Variants in KCNQ5 observed in about 807,000 individuals in gnomAD.
The protein encoded by KCNQ5 is potassium voltage-gated channel subfamily Q member 5.
In KCNQ5, 30 loss-of-function variants were observed where a neutral mutation model predicts 98.2. The ratio of observed to expected loss-of-function variants is 0.31; its 90% CI spans 0.23 to 0.41. The LOEUF (loss-of-function observed/expected upper bound fraction) is 0.41, where lower values mean the gene tolerates loss of function less well. Ranked by LOEUF, KCNQ5 falls within the 10% of genes least tolerant of loss-of-function variation. The probability of loss-of-function intolerance (pLI) is 1.00; values close to 1 mark genes in which losing one functional copy is unlikely to be tolerated. For missense variants in KCNQ5, 835 were observed against 1,182.5 expected (o/e 0.71, Z 4.31); for synonymous variants, 458 against 449.4 (o/e 1.02, Z -0.24).
At chr6:72,830,241 T>C (rs1278194172) in intron 1 of KCNQ5, among the ~76,000 whole-genome samples, 1 of 152,008 alleles carries the variant, frequency 6.6e-6, no homozygotes, top group African/African-American at 2.4e-5. Flanking sequence ...TACTTTAAAG[T>C]TCATATGGAA....
At chr6:73,038,803 G>C (rs765350025) in intron 2 of KCNQ5, among the ~76,000 whole-genome samples, 15 of 151,684 alleles carry the variant, frequency 9.9e-5, no homozygotes, top group Admixed American at 2.6e-4. Context: ...TGTAGTTTTT[G>C]TTTTGCTTTG....
At chr6:73,081,091 A>G (rs766356432) in intron 5 of KCNQ5, among the ~76,000 whole-genome samples, 13 of 152,220 alleles carry the variant, frequency 8.5e-5, no homozygotes, top group Non-Finnish European at 1.5e-4. Flanking sequence ...GTTAAATGAA[A>G]GCACCTTTAA....
chr6:73,081,743 A>C (rs535826821), intron 5 of KCNQ5, among the ~76,000 whole-genome samples: 1 of 152,306 alleles, frequency 6.6e-6, no homozygotes, highest in South Asian at 2.1e-4. Context: ...CCTGATTTGG[A>C]ATTAATTCTG....
chr6:73,188,768 A>C (rs1465133172), intron 11 of KCNQ5, among the ~76,000 whole-genome samples: 2 of 152,116 alleles, frequency 1.3e-5, no homozygotes, highest in East Asian at 3.9e-4. Context: ...GCAGATCACA[A>C]GGTCAGAAGT....
intron 1 of KCNQ5, among the ~76,000 whole-genome samples, chr6:72,664,121 A>G (rs921537236): frequency 1.3e-5 from 2 of 152,212 alleles, no homozygotes; most frequent in African/African-American, 4.8e-5. Context: ...GTGCTAGTGG[A>G]CATGGAATAC....
Position 72,806,846 on chromosome 6 carries a change from T to C in KCNQ5, c.398+184259T>C, listed in dbSNP as rs533749951. ...TTAAGCCTTCCTTTCAAATTTTATT[T>C]ATTAATTTTCAGTTTCGTTTTTCTC... On this transcript the variant is annotated intron_variant, in intron 1 of 13. Transcript: ENST00000370398. 8.9e-6 allele frequency: 4 copies of C among 448,506 alleles called. No homozygotes were observed. The East Asian group carries it at 2.9e-4, about 32-fold the overall frequency. The allele number at this position is 448,506 out of a possible 1,614,324, so 27.8% of individuals were successfully genotyped here.
chr6:73,147,576 T>G (rs1247587246), intron 10 of KCNQ5, among the ~76,000 whole-genome samples: 1 of 152,156 alleles, frequency 6.6e-6, no homozygotes, highest in East Asian at 1.9e-4. Context: ...AAATACTGCC[T>G]TTGTCAGAAA....
In KCNQ5 at chr6:72,834,691, G is replaced by C. The variant is rs149862338; in HGVS notation, c.399-169217G>C. On this transcript the variant is annotated intron_variant, in intron 1 of 13. Transcript: ENST00000370398. ...ACTCTGTTGGCCTTCCTTCTTTTACGTGGAAATAGAATTCTTATACTCCTT... is the reference window on the plus strand; with the variant it reads ...ACTCTGTTGGCCTTCCTTCTTTTACCTGGAAATAGAATTCTTATACTCCTT... 6.1e-3 allele frequency among the ~76,000 whole-genome samples: 933 copies of C among 152,144 alleles called. 11 individuals carry two copies. Among genetic ancestry groups the C allele is most frequent in the African/African-American group, 0.02 (848 of 41,528 alleles).
chr6:72,906,959 A>T (rs1421497885), intron 1 of KCNQ5, among the ~76,000 whole-genome samples: 1 of 152,158 alleles, frequency 6.6e-6, no homozygotes, highest in East Asian at 1.9e-4. Flanking sequence ...TTTTCTGATT[A>T]TGTTATTTAT....
chr6:72,940,015 G>A (rs1024549323), intron 1 of KCNQ5, among the ~76,000 whole-genome samples: 1 of 152,056 alleles, frequency 6.6e-6, no homozygotes, highest in Non-Finnish European at 1.5e-5. Flanking sequence ...TCATTTTAAG[G>A]TTTGAAAGAA....
chr6:73,041,868 G>T, intron 2 of KCNQ5, 68 bp from the exon 3 acceptor site: 1 of 1,578,114 alleles, frequency 6.3e-7, no homozygotes, highest in South Asian at 1.1e-5. Context: ...CCAAAAATAT[G>T]CATAGAGCTT....
At chr6:72,785,023 A>G (rs1773664319) in intron 1 of KCNQ5, among the ~76,000 whole-genome samples, 1 of 152,240 alleles carries the variant, frequency 6.6e-6, no homozygotes, top group East Asian at 1.9e-4. Flanking sequence ...TTATGCAGCC[A>G]GAGGCAGCAA....
chr6:72,674,815 G>T (rs1767327576), intron 1 of KCNQ5, among the ~76,000 whole-genome samples: 1 of 152,010 alleles, frequency 6.6e-6, no homozygotes, highest in African/African-American at 2.4e-5. Context: ...AAGAAAGTGG[G>T]AGTAAGTGTG....
At chr6:72,901,182 A>G (rs1779490146) in intron 1 of KCNQ5, among the ~76,000 whole-genome samples, 1 of 118,230 alleles carries the variant, frequency 8.5e-6, no homozygotes, top group Admixed American at 1.2e-4. Context: ...CCCTTCCCTT[A>G]GCCCATTTTT....
intron 12 of KCNQ5, among the ~76,000 whole-genome samples, chr6:73,191,431 A>G (rs537318304): frequency 6.6e-6 from 1 of 152,318 alleles, no homozygotes; most frequent in South Asian, 2.1e-4. Flanking sequence ...GTTAATTCCA[A>G]CCACATATGG....
At chr6:72,807,670 G>A (rs149633436) in intron 1 of KCNQ5, among the ~76,000 whole-genome samples, 10 of 152,114 alleles carry the variant, frequency 6.6e-5, no homozygotes, top group Non-Finnish European at 1.0e-4. Flanking sequence ...TACTATCCCT[G>A]GCTAATTTTT....
At chr6:73,187,684 TTGATCACAATTA>T (rs1468235009) in intron 11 of KCNQ5, among the ~76,000 whole-genome samples, 1 of 152,210 alleles carries the variant, frequency 6.6e-6, no homozygotes, top group Non-Finnish European at 1.5e-5. Context: ...ATTTTTAGTA[TTGATCACAATTA>T]TAAACCATGG....
intron 10 of KCNQ5, among the ~76,000 whole-genome samples, chr6:73,151,293 G>A (rs755874413): frequency 2.0e-5 from 3 of 151,998 alleles, no homozygotes; most frequent in Non-Finnish European, 4.4e-5. Context: ...TATTCCTCTT[G>A]ATATTTACAT....
chr6:73,069,419 A>T (rs977553737), intron 3 of KCNQ5, among the ~76,000 whole-genome samples: 1 of 152,068 alleles, frequency 6.6e-6, no homozygotes, highest in Non-Finnish European at 1.5e-5. Context: ...ATTGTATTCT[A>T]TTTCTTTCCT....
Sources: allele counts gnomAD v4.1 joint callset (sites outside exome capture counted in the v4.1 genomes callset), GRCh38; gene constraint gnomAD v4.1.1; transcripts MANE v1.5; gene names NCBI Gene and HGNC (gene_info 2026-07-23, HGNC 2026-07-21).